WSCD2: variants seen among roughly 807,000 people sequenced by gnomAD.
WSCD2 encodes sialate:O-sulfotransferase 2.
A neutral mutation model predicts 55.7 loss-of-function variants in WSCD2; 28 were observed. That is an observed-to-expected ratio of 0.50 (90% confidence interval 0.37 to 0.69). The LOEUF (loss-of-function observed/expected upper bound fraction) is 0.69, where lower values mean the gene tolerates loss of function less well. Among genes scored for constraint, WSCD2 ranks in the 30% least tolerant of loss-of-function variants. The probability of loss-of-function intolerance (pLI) is 0.00; values close to 1 mark genes in which losing one functional copy is unlikely to be tolerated. For missense variants in WSCD2, 616 were observed against 762.1 expected, an observed-to-expected ratio of 0.81 and a Z score of 2.26; for synonymous variants, 301 against 301.9, an observed-to-expected ratio of 1.00 and a Z score of 0.03.
At chr12:108,171,985 C>A (rs2136970403) in intron 1 of WSCD2, among the ~76,000 whole-genome samples, 1 of 152,296 alleles carries the variant, frequency 6.6e-6, no homozygotes, top group East Asian at 1.9e-4. Context: ...GCTTTGCATT[C>A]AGTCAATTCA....
chr12:108,232,338 G>A (rs1201213830), intron 6 of WSCD2, among the ~76,000 whole-genome samples: 2 of 152,072 alleles, frequency 1.3e-5, no homozygotes, highest in East Asian at 1.9e-4. Flanking sequence ...AAAAATACAC[G>A]ACGGATGCCA....
intron 4 of WSCD2, among the ~76,000 whole-genome samples, chr12:108,215,931 C>T (rs914662549): frequency 6.6e-6 from 1 of 152,146 alleles, no homozygotes; most frequent in Non-Finnish European, 1.5e-5. Flanking sequence ...TAGTAAAAAG[C>T]CCAAGCTGCT....
chr12:108,214,812 A>G (rs993721154), intron 4 of WSCD2, among the ~76,000 whole-genome samples: 3 of 152,360 alleles, frequency 2.0e-5, no homozygotes, highest in African/African-American at 7.2e-5. Flanking sequence ...AGCTTACACT[A>G]TCACTGAAAA....
intron 4 of WSCD2, among the ~76,000 whole-genome samples, chr12:108,221,965 T>A (rs1314041544): frequency 6.6e-6 from 1 of 152,222 alleles, no homozygotes; most frequent in Non-Finnish European, 1.5e-5. Context: ...TGGAAATTCA[T>A]CATTTAACCA....
At chr12:108,181,661 T>C (rs1881779227) in intron 1 of WSCD2, among the ~76,000 whole-genome samples, 1 of 152,094 alleles carries the variant, frequency 6.6e-6, no homozygotes, top group Non-Finnish European at 1.5e-5. Flanking sequence ...CAAGCTAGAG[T>C]GTGATGGCAT....
intron 1 of WSCD2, among the ~76,000 whole-genome samples, chr12:108,150,972 C>A (rs1468790314): frequency 6.6e-6 from 1 of 152,006 alleles, no homozygotes; most frequent in Non-Finnish European, 1.5e-5. Flanking sequence ...TGGGCTCCTG[C>A]CATCTGAGCG....
chr12:108,194,831 T>C (rs977414165), intron 1 of WSCD2, among the ~76,000 whole-genome samples: 2 of 152,156 alleles, frequency 1.3e-5, no homozygotes, highest in African/African-American at 4.8e-5. Flanking sequence ...TAGGTCTCAC[T>C]GAGTGTTTGT....
chr12:108,204,463 GCTGAA>G (rs1885080241), intron 2 of WSCD2, among the ~76,000 whole-genome samples: 1 of 152,080 alleles, frequency 6.6e-6, no homozygotes, highest in African/African-American at 2.4e-5. Flanking sequence ...CTAGGGAATG[GCTGAA>G]CTGAAGTTAG....
chr12:108,225,794 A>G (rs996772032), intron 5 of WSCD2, among the ~76,000 whole-genome samples: 2 of 152,174 alleles, frequency 1.3e-5, no homozygotes, highest in Non-Finnish European at 2.9e-5. Context: ...CATAACTGGC[A>G]CTCAGCGATG....
rs7485617 is a variant in WSCD2, at chr12:108,227,700, G to C, written c.979+536G>C. ...CTGTTATCTCCTCTTCTGTCTCCTGGGGCTACCAGACATGATGATAATGAT... is the reference window on the plus strand; with the variant it reads ...CTGTTATCTCCTCTTCTGTCTCCTGCGGCTACCAGACATGATGATAATGAT... On this transcript the variant is annotated intron_variant, in intron 6 of 8. Coordinates refer to ENST00000547525, the MANE Select transcript of WSCD2 (RefSeq NM_014653.4). Among the ~76,000 whole-genome samples the C allele has an allele frequency of 2.5e-3, 384 of 151,604 alleles. 1 individual carries two copies. The highest frequency in any genetic ancestry group is 8.9e-3 in the African/African-American group (368 of 41,120).
At chr12:108,152,289 GATA>G (rs1803994357) in intron 1 of WSCD2, among the ~76,000 whole-genome samples, 1 of 152,204 alleles carries the variant, frequency 6.6e-6, no homozygotes, top group Admixed American at 6.5e-5. Flanking sequence ...ACCAAGGAAG[GATA>G]AAGTGAGAGC....
intron 7 of WSCD2, among the ~76,000 whole-genome samples, chr12:108,234,683 G>C (rs1210902592): frequency 6.6e-6 from 1 of 152,174 alleles, no homozygotes; most frequent in Non-Finnish European, 1.5e-5. Flanking sequence ...CCTTTGGCTT[G>C]TCCTGAAGCA....
At chr12:108,219,630 ACGACTGTGTCTT>A (rs1887249377) in intron 4 of WSCD2, among the ~76,000 whole-genome samples, 1 of 152,180 alleles carries the variant, frequency 6.6e-6, no homozygotes, top group African/African-American at 2.4e-5. Context: ...TTCTTCAGAC[ACGACTGTGTCTT>A]CCCAACACAC....
rs1010409371 is a variant in WSCD2 at position 108,129,914 on chromosome 12, G to A, written c.-564G>A. ...TCAGCTGGCAGAGTTTGCAAGTGGC[G>A]GAGACCCTTCAGGTAAGGACTCAGG... On this transcript the variant is annotated 5_prime_UTR_variant, in exon 1 of 9. Coordinates refer to ENST00000547525, the MANE Select transcript of WSCD2 (RefSeq NM_014653.4). 7 of 152,254 alleles carry A rather than the reference G, an allele frequency of 4.6e-5. No homozygotes were observed. The highest frequency in any genetic ancestry group is 1.9e-4 in the East Asian group (1 of 5,176). The allele number at this position is 152,254 out of a possible 1,614,324, so 9.4% of individuals were successfully genotyped here.
At chr12:108,197,364 A>G (rs990108337) in intron 2 of WSCD2, among the ~76,000 whole-genome samples, 2 of 151,572 alleles carry the variant, frequency 1.3e-5, no homozygotes, top group African/African-American at 4.9e-5. Context: ...GCCCTCAGGA[A>G]TTTCCTAGAC....
Position 108,232,752 on chromosome 12 carries a change from G to A in WSCD2, c.1001G>A (p.Arg334Lys). The change falls in exon 7 of 9, where the codon AGG becomes AAG. Residue 334 changes from arginine to lysine, a missense_variant. By Grantham distance (26) the Arg-to-Lys change is conservative (BLOSUM62 2). This residue lies in a region of WSCD2 where 374 missense variants were observed against 467.4 expected (regional missense o/e 0.80). Coordinates refer to ENST00000547525, the MANE Select transcript of WSCD2 (RefSeq NM_014653.4). Reference sequence around the variant, plus strand: ...TCAGACAACCGTTGCATGGACAGAAGGTTCCTGCCAGGCAAGTCCAAGCAG... The same window carrying A: ...TCAGACAACCGTTGCATGGACAGAAAGTTCCTGCCAGGCAAGTCCAAGCAG... ...QVQDNRCMDR[R>K]FLPGKSKQLI... 3 of 1,613,212 alleles carry A rather than the reference G, an allele frequency of 1.9e-6. No individual in the cohort carries two copies. Among genetic ancestry groups the A allele is most frequent in the Non-Finnish European group, 2.5e-6 (3 of 1,179,650 alleles).
intron 4 of WSCD2, among the ~76,000 whole-genome samples, chr12:108,212,908 T>G (rs949542038): frequency 6.6e-6 from 1 of 152,216 alleles, no homozygotes; most frequent in Admixed American, 6.5e-5. Flanking sequence ...CATCGCCATG[T>G]AAGGTTTGAA....
chr12:108,217,726 C>T (rs1887009959), intron 4 of WSCD2, among the ~76,000 whole-genome samples: 1 of 152,196 alleles, frequency 6.6e-6, no homozygotes, highest in African/African-American at 2.4e-5. Context: ...ACTTCCCAAA[C>T]TTATCCCCCT....
chr12:108,215,898 C>A (rs1886777915), intron 4 of WSCD2, among the ~76,000 whole-genome samples: 1 of 152,224 alleles, frequency 6.6e-6, no homozygotes, highest in African/African-American at 2.4e-5. Flanking sequence ...AGTTGATGAA[C>A]AGTTGCTCTG....
Sources: gnomAD v4.1 joint callset for allele counts (sites outside exome capture counted in the v4.1 genomes callset) on GRCh38, gnomAD v4.1.1 for gene constraint, gnomAD v4.1.1 regional missense constraint, MANE v1.5 for transcripts, NCBI Gene and HGNC (gene_info 2026-07-23, HGNC 2026-07-21) for gene names.